HS3ST1: variants seen among roughly 807,000 people sequenced by gnomAD.
The protein encoded by HS3ST1 is heparan sulfate glucosamine 3-O-sulfotransferase 1.
HS3ST1 carries 8 observed loss-of-function variants against 20.7 expected under a neutral mutation model. The ratio of observed to expected loss-of-function variants is 0.39; its 90% confidence interval spans 0.23 to 0.70. HS3ST1 has a LOEUF of 0.70. Ranked by LOEUF, HS3ST1 falls within the 30% of genes least tolerant of loss-of-function variation. HS3ST1 has a pLI of 0.46. For synonymous variants in HS3ST1, 205 were observed against 190.4 expected, an observed-to-expected ratio of 1.08 and a Z score of -0.63; for missense variants, 436 against 423.4, an observed-to-expected ratio of 1.03 and a Z score of -0.26.
chr4:11,399,306 A>G lies in HS3ST1; in HGVS notation c.700T>C (p.Phe234Leu), dbSNP rs762796666. 4.3e-6 allele frequency: 7 copies of G among 1,613,852 alleles called. No homozygotes were observed. The Admixed American group carries it at 1.0e-4, about 23-fold the overall frequency. Residue 234 changes from phenylalanine (F) to leucine (L), a missense_variant, in exon 2 of 2, where the codon TTC becomes CTC. Transcript: ENST00000002596. The surrounding 1 kb of genome is among the most constrained non-coding windows in gnomAD (Gnocchi z 5.1). The part of the protein sequence containing the change: ...PFPEIQKVER[F>L]LKLSPQINAS... ...TTGATCTGCGGCGACAGCTTTAGGA[A>G]CCTCTCGACCTTTTGGATCTCAGGG...
At chr4:11,424,890 G>C (rs1719024353) in intron 1 of HS3ST1, among the ~76,000 whole-genome samples, 1 of 151,994 alleles carries the variant, frequency 6.6e-6, no homozygotes, top group Admixed American at 6.6e-5. Context: ...TCTATGAAGG[G>C]AAGGTTGTGT....
upstream of HS3ST1, among the ~76,000 whole-genome samples, chr4:11,430,025 GTT>G (rs1719173394): frequency 6.6e-6 from 1 of 151,838 alleles, no homozygotes; most frequent in Non-Finnish European, 1.5e-5. Flanking sequence ...TGTGATTTAC[GTT>G]TAAATATATT....
chr4:11,409,625 C>T (rs2108884146), intron 1 of HS3ST1, among the ~76,000 whole-genome samples: 1 of 152,340 alleles, frequency 6.6e-6, no homozygotes, highest in South Asian at 2.1e-4. Flanking sequence ...CTTCCAGCCT[C>T]CAGAGCTGTG....
intron 1 of HS3ST1, among the ~76,000 whole-genome samples, chr4:11,404,333 A>G (rs1252977344): frequency 6.6e-6 from 1 of 152,186 alleles, no homozygotes; most frequent in African/African-American, 2.4e-5. Flanking sequence ...TCCAGGTGTG[A>G]GCCACCATAC....
At chr4:11,426,701 T>TA (rs571981720) in intron 1 of HS3ST1, among the ~76,000 whole-genome samples, 4 of 152,254 alleles carry the variant, frequency 2.6e-5, no homozygotes, top group Non-Finnish European at 5.9e-5. Flanking sequence ...TGCTTCCACT[T>TA]AAGAGTGCTT....
chr4:11,419,467 G>A (rs1040090312), intron 1 of HS3ST1, among the ~76,000 whole-genome samples: 3 of 152,088 alleles, frequency 2.0e-5, no homozygotes, highest in African/African-American at 4.8e-5. Context: ...AACACACACC[G>A]GGGCCTGTCG....
intron 1 of HS3ST1, among the ~76,000 whole-genome samples, chr4:11,413,452 T>TG (rs1199406015): frequency 6.6e-6 from 1 of 152,110 alleles, no homozygotes; most frequent in Non-Finnish European, 1.5e-5. Context: ...GTGCCACATA[T>TG]GACACTCAGC....
chr4:11,411,360 T>C (rs184843660), intron 1 of HS3ST1, among the ~76,000 whole-genome samples: 1 of 152,242 alleles, frequency 6.6e-6, no homozygotes, highest in African/African-American at 2.4e-5. Context: ...CTGGCCCACA[T>C]ACATATACAC....
chr4:11,423,678 C>T (rs1027121934), intron 1 of HS3ST1, among the ~76,000 whole-genome samples: 8 of 152,098 alleles, frequency 5.3e-5, no homozygotes, highest in East Asian at 1.9e-4. Flanking sequence ...ACTCAATAAA[C>T]GTGTTAAAGG....
Position 11,399,853 on chromosome 4 carries a change from G to C in HS3ST1, c.153C>G (p.Ala51=). The C allele has an allele frequency of 1.2e-6, 2 of 1,612,792 alleles. 1 individual carries two copies. The highest frequency in any genetic ancestry group is 2.2e-5 in the South Asian group (2 of 91,060). ...TGATGATGGTCTGCGGCAACTGCTG[G>C]GCAGAGCCGTTTGGGGCCACGCCAT... ...VRDGVAPNGS[A]QQLPQTIIIG... is the part of the protein sequence containing the mutation. Residue 51 remains alanine (A), a synonymous_variant, in exon 2 of 2, where the codon GCC becomes GCG. Transcript: ENST00000002596. This position sits in a 1 kb window ranked among gnomAD's most constrained non-coding sequence, Gnocchi z 5.1.
chr4:11,393,635 T>C lies in HS3ST1; in HGVS notation c.*5447A>G, dbSNP rs1718062792. 1 of 152,078 alleles carries C rather than the reference T, an allele frequency of 6.6e-6. No homozygotes were observed. The highest frequency in any genetic ancestry group is 2.1e-4 in the South Asian group (1 of 4,828). 9.4% of individuals were successfully genotyped at this position (152,078 alleles called of 1,614,324 possible). On this transcript the variant is annotated 3_prime_UTR_variant, in exon 2 of 2. Coordinates refer to ENST00000002596, the MANE Select transcript of HS3ST1 (RefSeq NM_005114.4). ...GAAAAGGATGAAGTTTCGGAAGAAATAAGTAAAAGTACAGTTTCAGGAGAA... is the reference window on the plus strand; with the variant it reads ...GAAAAGGATGAAGTTTCGGAAGAAACAAGTAAAAGTACAGTTTCAGGAGAA...
chr4:11,426,083 C>A lies in HS3ST1; in HGVS notation c.-109+2616G>T, dbSNP rs145238708. On this transcript the variant is annotated intron_variant, in intron 1 of 1. Coordinates refer to ENST00000002596, the MANE Select transcript of HS3ST1 (RefSeq NM_005114.4). ...CAGGCTTAGATGCAGGCCCGGAAAC[C>A]TGGTGCCTGAGCACTGACCCAGCCT... Among the ~76,000 whole-genome samples, 312 of 152,264 alleles carry A rather than the reference C, an allele frequency of 2.0e-3. 1 individual carries two copies. The highest frequency in any genetic ancestry group is 7.1e-3 in the African/African-American group (296 of 41,552).
rs910299058 is a variant in HS3ST1, at chr4:11,396,187, G to A, written c.*2895C>T. 3.9e-5 allele frequency: 6 copies of A among 152,214 alleles called. No individual in the cohort carries two copies. Among genetic ancestry groups the A allele is most frequent in the African/African-American group, 1.4e-4 (6 of 41,438 alleles). The allele number at this position is 152,214 out of a possible 1,614,324, so 9.4% of individuals were successfully genotyped here. A position where few individuals can be genotyped will look rare whatever the true frequency, so the allele number is the denominator to read the frequency against. Reference sequence around the variant, plus strand: ...GCACAGAAGGAGTAAAGCACCCTGTGCTCAGAGGCATGTCACTTTTCCTAA... The same window carrying A: ...GCACAGAAGGAGTAAAGCACCCTGTACTCAGAGGCATGTCACTTTTCCTAA... On this transcript the variant is annotated 3_prime_UTR_variant, in exon 2 of 2. Coordinates refer to ENST00000002596, the MANE Select transcript of HS3ST1 (RefSeq NM_005114.4).
intron 1 of HS3ST1, among the ~76,000 whole-genome samples, chr4:11,417,109 G>C (rs1718805239): frequency 6.6e-6 from 1 of 152,120 alleles, no homozygotes; most frequent in Non-Finnish European, 1.5e-5. Context: ...GAGCCATCCT[G>C]CAGAACTTGA....
chr4:11,424,829 T>A (rs1419831586), intron 1 of HS3ST1, among the ~76,000 whole-genome samples: 5 of 145,386 alleles, frequency 3.4e-5, no homozygotes, highest in African/African-American at 1.3e-4. Flanking sequence ...GGCTGGGAGA[T>A]ATGGACAAGG....
chr4:11,398,167 C>G lies in HS3ST1; in HGVS notation c.*915G>C, dbSNP rs1401312470. On this transcript the variant is annotated 3_prime_UTR_variant, in exon 2 of 2. Transcript: ENST00000002596. ...GTCTCAGTGCATATGGAATATATGT[C>G]TATAATGCCAATGTGTCTTTCAGGA... 2 of 152,198 alleles carry G rather than the reference C, an allele frequency of 1.3e-5. No individual in the cohort carries two copies. Among genetic ancestry groups the G allele is most frequent in the Non-Finnish European group, 1.5e-5 (1 of 68,042 alleles). 9.4% of individuals were successfully genotyped at this position (152,198 alleles called of 1,614,324 possible). A position where few individuals can be genotyped will look rare whatever the true frequency, so the allele number is the denominator to read the frequency against.
intron 1 of HS3ST1, among the ~76,000 whole-genome samples, chr4:11,418,185 G>T (rs149819092): frequency 1.5e-4 from 23 of 152,320 alleles, no homozygotes; most frequent in Admixed American, 1.5e-3. Context: ...TGGCACTTTA[G>T]CCACCTGGAG....
chr4:11,411,861 GT>G (rs1324146010), intron 1 of HS3ST1, among the ~76,000 whole-genome samples: 2 of 152,182 alleles, frequency 1.3e-5, no homozygotes, highest in East Asian at 3.8e-4. Flanking sequence ...AAGGGCCTGG[GT>G]TTGAATCCTG....
At chr4:11,402,391 T>G (rs1027889364) in intron 1 of HS3ST1, among the ~76,000 whole-genome samples, 2 of 152,210 alleles carry the variant, frequency 1.3e-5, no homozygotes, top group Non-Finnish European at 2.9e-5. Flanking sequence ...GTGAACTAAA[T>G]TTAACAGGCC....
Sources: allele counts gnomAD v4.1 joint callset (sites outside exome capture counted in the v4.1 genomes callset), GRCh38; gene constraint gnomAD v4.1.1; non-coding constraint Gnocchi (gnomAD v3.1); transcripts MANE v1.5; gene names NCBI Gene and HGNC (gene_info 2026-07-23, HGNC 2026-07-21).